Variants in ADGRA3 observed in about 807,000 individuals in gnomAD.
ADGRA3 encodes G-protein coupled receptor 125.
A neutral mutation model predicts 119.8 loss-of-function variants in ADGRA3; 56 were observed. That is an observed-to-expected ratio of 0.47 (90% CI 0.38 to 0.58). The LOEUF (loss-of-function observed/expected upper bound fraction) is 0.58, where lower values mean the gene tolerates loss of function less well. ADGRA3 is among the 20% of genes least tolerant of loss of function. ADGRA3 has a pLI of 0.00. For missense variants in ADGRA3, 1,516 were observed against 1,649.0 expected, an observed-to-expected ratio of 0.92 and a Z score of 1.40; for synonymous variants, 607 against 623.8, an observed-to-expected ratio of 0.97 and a Z score of 0.40.
chr4:22,395,345 T>C (rs1714306250), intron 16 of ADGRA3, among the ~76,000 whole-genome samples: 1 of 152,118 alleles, frequency 6.6e-6, no homozygotes, highest in African/African-American at 2.4e-5. Flanking sequence ...TGCCAAAAAA[T>C]AAACTTTATG....
intron 9 of ADGRA3, 84 bp downstream of exon 9, chr4:22,436,356 A>T (rs74420770): frequency 3.4e-5 from 12 of 347,862 alleles, no homozygotes; most frequent in Non-Finnish European, 4.5e-5. Context: ...GCCTAGTATT[A>T]AAAAAAAAAA....
chr4:22,494,557 A>T (rs541229712), intron 1 of ADGRA3, among the ~76,000 whole-genome samples: 26 of 152,060 alleles, frequency 1.7e-4, no homozygotes, highest in Non-Finnish European at 3.4e-4. Context: ...CTTTCCTGTA[A>T]CAATTTGAGA....
At chr4:22,410,107 A>G (rs376765169) in intron 14 of ADGRA3, among the ~76,000 whole-genome samples, 1 of 152,018 alleles carries the variant, frequency 6.6e-6, no homozygotes, top group East Asian at 1.9e-4. Context: ...CATGTTTTAT[A>G]TAAACAAATG....
chr4:22,462,151 A>C (rs1047967918), intron 2 of ADGRA3, among the ~76,000 whole-genome samples: 5 of 152,360 alleles, frequency 3.3e-5, no homozygotes, highest in African/African-American at 1.2e-4. Flanking sequence ...CATACTTTGA[A>C]TATCAAAGTA....
chr4:22,445,660 T>C (rs1716805668), intron 5 of ADGRA3, among the ~76,000 whole-genome samples: 1 of 152,204 alleles, frequency 6.6e-6, no homozygotes, highest in Non-Finnish European at 1.5e-5. Context: ...ACTGTGAACT[T>C]CCCTAGGGTA....
chr4:22,412,953 A>T lies in ADGRA3; in HGVS notation c.2232+229T>A, dbSNP rs1009465746. ...TGATTGACTTATAAAGTTGATTTAA[A>T]ATTCCTATATACCAAACTCAATCCC... On this transcript the variant is annotated intron_variant, in intron 14 of 18. Coordinates refer to ENST00000334304, the MANE Select transcript of ADGRA3 (RefSeq NM_145290.4). Among the ~76,000 whole-genome samples, 5 of 152,140 alleles carry T rather than the reference A, an allele frequency of 3.3e-5. 1 individual carries two copies. Among genetic ancestry groups the T allele is most frequent in the Admixed American group, 3.3e-4 (5 of 15,264 alleles).
intron 12 of ADGRA3, among the ~76,000 whole-genome samples, chr4:22,419,014 A>G (rs1248090383): frequency 6.6e-6 from 1 of 152,212 alleles, no homozygotes; most frequent in Non-Finnish European, 1.5e-5. Context: ...AGAGACTCAA[A>G]GTTACCGTGG....
Position 22,447,934 on chromosome 4 carries a change from A to G in ADGRA3, c.474-423T>C, listed in dbSNP as rs1410675494. ...CAAAAGGAAAAGGATGGCCTCAATG[A>G]TCAGCAGCAGTAGCATACTAAACAT... On this transcript the variant is annotated intron_variant, in intron 4 of 18. Transcript: ENST00000334304. Among the ~76,000 whole-genome samples the G allele has an allele frequency of 2.0e-5, 3 of 152,242 alleles. No homozygotes were observed. In the East Asian group the frequency reaches 5.8e-4, roughly 29 times the overall value.
Position 22,438,410 on chromosome 4 carries a change from T to TG in ADGRA3, c.930dup (p.Ile311HisfsTer3). 6.2e-7 allele frequency: 1 copy of TG among 1,613,266 alleles called. No individual in the cohort carries two copies. Among genetic ancestry groups the TG allele is most frequent in the Non-Finnish European group, 8.5e-7 (1 of 1,179,636 alleles). ...GTAGATCCAGCCTGAATATTAGAAA[T>TG]GGTTAGGGCACTGCATAAAGAAAGA... On this transcript the variant is annotated frameshift_variant, in exon 8 of 19. Coordinates refer to ENST00000334304, the MANE Select transcript of ADGRA3 (RefSeq NM_145290.4). LOFTEE classifies it high-confidence loss of function.
chr4:22,405,550 A>AT (rs1018546896), intron 14 of ADGRA3, among the ~76,000 whole-genome samples: 7 of 151,432 alleles, frequency 4.6e-5, no homozygotes, highest in Admixed American at 4.6e-4. Flanking sequence ...TATTTCTAAA[A>AT]AAAAAAAAAA....
chr4:22,408,541 A>C (rs1274511526), intron 14 of ADGRA3, among the ~76,000 whole-genome samples: 1 of 152,200 alleles, frequency 6.6e-6, no homozygotes, highest in African/African-American at 2.4e-5. Flanking sequence ...AAAGCTAAAG[A>C]AGTGCTCAAC....
intron 16 of ADGRA3, among the ~76,000 whole-genome samples, chr4:22,397,674 TTC>T (rs1401353799): frequency 6.6e-6 from 1 of 152,106 alleles, no homozygotes; most frequent in African/African-American, 2.4e-5. Context: ...GGGTGGGTCT[TTC>T]CTGAGCTGTT....
intron 10 of ADGRA3, among the ~76,000 whole-genome samples, chr4:22,432,826 A>G (rs1716242324): frequency 6.6e-6 from 1 of 152,192 alleles, no homozygotes; most frequent in Non-Finnish European, 1.5e-5. Context: ...GCCAGGCTCA[A>G]TCACAGATTA....
rs192363357 is a variant in ADGRA3 at position 22,431,401 on chromosome 4, G to A, written c.1443+3910C>T. On this transcript the variant is annotated intron_variant, in intron 10 of 18. Coordinates refer to ENST00000334304, the MANE Select transcript of ADGRA3 (RefSeq NM_145290.4). ...AGCTGTACCCTGCAAAGCCACAAGG[G>A]CAGAGCTGCCCAAGACCATGGGAAC... 3.9e-3 allele frequency among the ~76,000 whole-genome samples: 587 copies of A among 152,306 alleles called. 2 individuals carry two copies. The highest frequency in any genetic ancestry group is 0.013 in the African/African-American group (558 of 41,556).
intron 11 of ADGRA3, 67 bp from the exon 12 acceptor site, chr4:22,421,156 C>G: frequency 7.3e-7 from 1 of 1,364,402 alleles, no homozygotes; most frequent in Non-Finnish European, 1.0e-6. Flanking sequence ...CTTTCAAAGA[C>G]TTTTCAAACA....
chr4:22,415,309 A>T (rs1715384534), intron 12 of ADGRA3, among the ~76,000 whole-genome samples: 1 of 152,200 alleles, frequency 6.6e-6, no homozygotes, highest in African/African-American at 2.4e-5. Flanking sequence ...ATGTTAGATC[A>T]CAGCAGATAC....
rs537453798 is a variant in ADGRA3 at position 22,433,498 on chromosome 4, T to C, written c.1443+1813A>G. 2.6e-5 allele frequency among the ~76,000 whole-genome samples: 4 copies of C among 152,300 alleles called. No individual in the cohort carries two copies. In the South Asian group the frequency reaches 8.3e-4, roughly 32 times the overall value. On this transcript the variant is annotated intron_variant, in intron 10 of 18. Coordinates refer to ENST00000334304, the MANE Select transcript of ADGRA3 (RefSeq NM_145290.4). ...AAGCCCATGGTTAATTAATAACTAATGAAACCATGTCTACTTCCAGTTCAG... is the reference window on the plus strand; with the variant it reads ...AAGCCCATGGTTAATTAATAACTAACGAAACCATGTCTACTTCCAGTTCAG...
At chr4:22,445,207 C>A in intron 5 of ADGRA3, 74 bp from the exon 6 acceptor site, 1 of 1,354,674 alleles carries the variant, frequency 7.4e-7, no homozygotes, top group Non-Finnish European at 1.0e-6. Context: ...TATTGGGTTA[C>A]ATTTCTGGTG....
chr4:22,447,456 C>A lies in ADGRA3; in HGVS notation c.529G>T (p.Ala177Ser). 3 of 1,565,724 alleles carry A rather than the reference C, an allele frequency of 1.9e-6. No individual in the cohort carries two copies. The highest frequency in any genetic ancestry group is 1.2e-5 in the South Asian group (1 of 80,866). ...CTTACTTACAAAGACCGTAATGACG[C>A]AAGATAATCAAAAGTTCCTTGAGAT... ...SLSQGTFDYL[A>S]SLRSLEFQTE... Residue 177 changes from alanine to serine, a missense_variant, in exon 5 of 19, where the codon GCG becomes TCG. Ala to Ser is a moderately conservative substitution (Grantham distance 99). Around this residue, in one of 2 missense-constraint regions of ADGRA3, gnomAD observed 428 missense variants for 541.9 expected, o/e 0.79. Transcript: ENST00000334304.
Sources: gnomAD v4.1 joint callset for allele counts (sites outside exome capture counted in the v4.1 genomes callset) on GRCh38, gnomAD v4.1.1 for gene constraint, gnomAD v4.1.1 regional missense constraint, MANE v1.5 for transcripts, NCBI Gene and HGNC (gene_info 2026-07-23, HGNC 2026-07-21) for gene names.